Variants in TNPO1 observed in about 807,000 individuals in gnomAD.
The protein encoded by TNPO1 is transportin 1.
Under a neutral mutation model 119.5 loss-of-function variants are expected in TNPO1, and 8 were observed. That is an observed-to-expected ratio of 0.07 (90% CI 0.04 to 0.12). TNPO1 has a LOEUF of 0.12. TNPO1 is among the 10% of genes least tolerant of loss of function. TNPO1 has a pLI of 1.00. For synonymous variants in TNPO1, 362 were observed against 363.0 expected, an observed-to-expected ratio of 1.00 and a Z score of 0.03; for missense variants, 576 against 1,089.8, an observed-to-expected ratio of 0.53 and a Z score of 6.64.
At position 72,900,032 on chromosome 5, in the gene TNPO1, G is replaced by C; in HGVS notation, c.2365G>C (p.Val789Leu). ...TAITIGRLGY[V>L]CPQEVAPMLQ... The stretch of plus-strand genomic sequence containing the variant: ...AATAACAATTGGTCGTCTTGGTTAC[G>C]TTTGTCCTCAAGAGGTGGCCCCCAT... The change falls in exon 21 of 25, where the codon GTT (valine) becomes CTT (leucine). Residue 789 changes from valine to leucine, a missense_variant. Physicochemically the swap from Val to Leu is conservative, Grantham distance 32. Transcript: ENST00000337273. The C allele has an allele frequency of 6.2e-7, 1 of 1,613,800 alleles. No homozygotes were observed. Among genetic ancestry groups the C allele is most frequent in the Non-Finnish European group, 8.5e-7 (1 of 1,179,870 alleles).
At chr5:72,884,340 A>G (rs1748466286) in intron 11 of TNPO1, among the ~76,000 whole-genome samples, 1 of 152,042 alleles carries the variant, frequency 6.6e-6, no homozygotes, top group Admixed American at 6.6e-5. Flanking sequence ...TTATATTCTT[A>G]AACTACCATT....
intron 9 of TNPO1, 55 bp downstream of exon 9, chr5:72,877,401 T>C: frequency 2.5e-6 from 2 of 814,690 alleles, no homozygotes; most frequent in South Asian, 2.4e-5. Context: ...TAAGTGATTC[T>C]TCATTTTCAT....
chr5:72,851,697 T>C (rs1420418178), intron 3 of TNPO1, among the ~76,000 whole-genome samples: 1 of 152,234 alleles, frequency 6.6e-6, no homozygotes, highest in Non-Finnish European at 1.5e-5. Flanking sequence ...TTTTGCCTTG[T>C]TGGCCAGGCT....
chr5:72,891,735 A>G, intron 14 of TNPO1, 75 bp from the exon 15 acceptor site: 1 of 1,094,266 alleles, frequency 9.1e-7, no homozygotes, highest in Non-Finnish European at 1.3e-6. Context: ...AATGGATTTT[A>G]ATTTTCAAAG....
chr5:72,905,456 A>C lies in TNPO1; in HGVS notation c.*35+11A>C. 4.3e-6 allele frequency: 6 copies of C among 1,394,488 alleles called. No homozygotes were observed. The highest frequency in any genetic ancestry group is 5.9e-6 in the Non-Finnish European group (6 of 1,009,752). The allele number at this position is 1,394,488 out of a possible 1,614,324, so 86.4% of individuals were successfully genotyped here. ...GTCCCAAAATTAGGGGTAAGTTATA[A>C]GAAGTTTGGAAATTTTCAGGATGAA... On this transcript the variant is annotated intron_variant, in intron 24 of 24. Coordinates refer to ENST00000337273, the MANE Select transcript of TNPO1 (RefSeq NM_002270.4).
chr5:72,860,553 ATTCAGTCAGAACAACATGATCAG>A (rs1454781850), intron 4 of TNPO1, among the ~76,000 whole-genome samples: 3 of 152,254 alleles, frequency 2.0e-5, no homozygotes, highest in Non-Finnish European at 2.9e-5. Flanking sequence ...GAGATAATCC[ATTCAGTCAGAACAACATGATCAG>A]TGAGCATGGG....
At chr5:72,825,474 T>A (rs577888614) in intron 1 of TNPO1, among the ~76,000 whole-genome samples, 2 of 152,186 alleles carry the variant, frequency 1.3e-5, no homozygotes, top group South Asian at 4.1e-4. Context: ...GATCATGAGG[T>A]CAGGAGATCG....
At chr5:72,879,124 T>C (rs981970337) in intron 9 of TNPO1, 1 of 212,802 alleles carries the variant, frequency 4.7e-6, no homozygotes. Context: ...GTGTTTCCTT[T>C]GGTTCTGGAG....
At chr5:72,898,619 A>G (rs372463893) in intron 20 of TNPO1, among the ~76,000 whole-genome samples, 2 of 152,116 alleles carry the variant, frequency 1.3e-5, no homozygotes, top group Non-Finnish European at 2.9e-5. Flanking sequence ...CATTATCTCA[A>G]TATTTCATAA....
intron 14 of TNPO1, among the ~76,000 whole-genome samples, chr5:72,890,410 A>T (rs1488159040): frequency 1.3e-5 from 2 of 152,214 alleles, no homozygotes; most frequent in Non-Finnish European, 2.9e-5. Context: ...CTAAATAGTA[A>T]TGCAAAAGTG....
At position 72,909,381 on chromosome 5, in the gene TNPO1, G is replaced by A. The variant is rs554678720; in HGVS notation, c.*708G>A. On this transcript the variant is annotated 3_prime_UTR_variant, in exon 25 of 25. Transcript: ENST00000337273. ...CACTCCTTTTACCTTTTTTGGGGTG[G>A]GCAGGGAGGGAGGAATAAATGGGGT... 5 of 152,112 alleles carry A rather than the reference G, an allele frequency of 3.3e-5. No individual in the cohort carries two copies. Among genetic ancestry groups the A allele is most frequent in the South Asian group, 2.1e-4 (1 of 4,820 alleles). The allele number at this position is 152,112 out of a possible 1,614,324, so 9.4% of individuals were successfully genotyped here. A position where few individuals can be genotyped will look rare whatever the true frequency, so the allele number is the denominator to read the frequency against.
intron 21 of TNPO1, 87 bp downstream of exon 21, chr5:72,900,168 T>G: frequency 1.6e-6 from 2 of 1,244,352 alleles, no homozygotes; most frequent in Non-Finnish European, 2.3e-6. Flanking sequence ...TTCAGTTGGT[T>G]ACAAAAATCA....
intron 2 of TNPO1, among the ~76,000 whole-genome samples, chr5:72,849,905 T>C (rs1745419015): frequency 6.6e-6 from 1 of 152,236 alleles, no homozygotes; most frequent in Non-Finnish European, 1.5e-5. Flanking sequence ...TCCTGCATTG[T>C]AGTTATTCTG....
chr5:72,824,790 G>C (rs549853800), intron 1 of TNPO1, among the ~76,000 whole-genome samples: 1 of 145,738 alleles, frequency 6.9e-6, no homozygotes, highest in African/African-American at 2.6e-5. Flanking sequence ...CCCAAATTTA[G>C]ATCTTTAGCC....
chr5:72,823,725 G>A (rs924275594), intron 1 of TNPO1, among the ~76,000 whole-genome samples: 1 of 152,054 alleles, frequency 6.6e-6, no homozygotes, highest in Non-Finnish European at 1.5e-5. Context: ...CAAAACCAGA[G>A]CTCTAGTTAA....
chr5:72,907,977 C>T (rs1267921906), intron 24 of TNPO1, among the ~76,000 whole-genome samples: 1 of 152,124 alleles, frequency 6.6e-6, no homozygotes, highest in African/African-American at 2.4e-5. Flanking sequence ...TGCTTGAGCC[C>T]AGGAGGTTGG....
At chr5:72,869,922 A>G (rs1747249390) in intron 6 of TNPO1, among the ~76,000 whole-genome samples, 1 of 152,198 alleles carries the variant, frequency 6.6e-6, no homozygotes, top group South Asian at 2.1e-4. Flanking sequence ...ATTTTTATAT[A>G]CACAGATATC....
At chr5:72,899,278 T>TA (rs2112483343) in intron 20 of TNPO1, among the ~76,000 whole-genome samples, 1 of 152,272 alleles carries the variant, frequency 6.6e-6, no homozygotes, top group African/African-American at 2.4e-5. Flanking sequence ...AAACATGGCT[T>TA]AAAGTTAGTG....
intron 8 of TNPO1, among the ~76,000 whole-genome samples, chr5:72,876,282 A>G (rs536119239): frequency 1.2e-3 from 187 of 152,338 alleles, no homozygotes; most frequent in African/African-American, 4.3e-3. Context: ...GGGTTGGCCT[A>G]TGACACTGTT....
Sources: gnomAD v4.1 joint callset for allele counts (sites outside exome capture counted in the v4.1 genomes callset) on GRCh38, gnomAD v4.1.1 for gene constraint, MANE v1.5 for transcripts, NCBI Gene and HGNC (gene_info 2026-07-23, HGNC 2026-07-21) for gene names.